Variants in ADGRB3 observed in about 807,000 individuals in gnomAD.
The protein encoded by ADGRB3 is adhesion G protein-coupled receptor B3.
Under a neutral mutation model 193.4 loss-of-function variants are expected in ADGRB3, and 37 were observed. The observed-to-expected ratio is 0.19, with a 90% CI of 0.15 to 0.25. The LOEUF is 0.25. Among genes scored for constraint, ADGRB3 ranks in the 10% least tolerant of loss-of-function variants. ADGRB3 has a pLI of 1.00. For missense variants in ADGRB3, 1,637 were observed against 1,852.9 expected (o/e 0.88, Z 2.14); for synonymous variants, 690 against 644.2 (o/e 1.07, Z -1.08).
chr6:68,931,449 C>G (rs1001429439), intron 4 of ADGRB3, among the ~76,000 whole-genome samples: 6 of 151,990 alleles, frequency 3.9e-5, no homozygotes, highest in African/African-American at 1.4e-4. Context: ...GCATGTAGTA[C>G]ATCCTTAAAA....
At chr6:68,697,311 A>G (rs916164814) in intron 3 of ADGRB3, among the ~76,000 whole-genome samples, 2 of 151,900 alleles carry the variant, frequency 1.3e-5, no homozygotes, top group Non-Finnish European at 2.9e-5. Context: ...TAAACTTAGA[A>G]ATTTGTATAT....
intron 3 of ADGRB3, among the ~76,000 whole-genome samples, chr6:68,743,952 T>A (rs985559461): frequency 2.0e-5 from 3 of 152,060 alleles, no homozygotes; most frequent in African/African-American, 7.2e-5. Context: ...TGTGAAACAA[T>A]CTGGAGTCTA....
At position 69,233,455 on chromosome 6, in the gene ADGRB3, CAG is replaced by C. The variant is rs1345919545; in HGVS notation, c.2607+40_2607+41del. 3 of 1,611,954 alleles carry C rather than the reference CAG, an allele frequency of 1.9e-6. No homozygotes were observed. The African/African-American group carries it at 4.0e-5, about 22-fold the overall frequency. Reference sequence around the variant, plus strand: ...GGAAAACACGGCTTTAACGCAAAGACAGGGATATTGTGGCTAGTGTTTCTCCA... The same window carrying C: ...GGAAAACACGGCTTTAACGCAAAGACGGATATTGTGGCTAGTGTTTCTCCA... On this transcript the variant is annotated intron_variant, in intron 18 of 31. Coordinates refer to ENST00000370598, the MANE Select transcript of ADGRB3 (RefSeq NM_001704.3).
At chr6:69,113,255 A>C (rs569237615) in intron 17 of ADGRB3, among the ~76,000 whole-genome samples, 1 of 152,066 alleles carries the variant, frequency 6.6e-6, no homozygotes, top group Admixed American at 6.6e-5. Context: ...TTATATGTAC[A>C]ATATACATAT....
At chr6:68,881,859 G>C (rs770482583) in intron 3 of ADGRB3, among the ~76,000 whole-genome samples, 5 of 152,138 alleles carry the variant, frequency 3.3e-5, no homozygotes, top group African/African-American at 1.2e-4. Context: ...TTCCATACAA[G>C]AGTCGACAAA....
At chr6:69,379,082 C>A (rs1053375544) in intron 30 of ADGRB3, among the ~76,000 whole-genome samples, 1 of 151,788 alleles carries the variant, frequency 6.6e-6, no homozygotes, top group African/African-American at 2.4e-5. Context: ...AGAAATGTTG[C>A]GTGATAGTAA....
At chr6:69,055,823 CTTTGTTTTGT>C (rs367960269) in intron 15 of ADGRB3, among the ~76,000 whole-genome samples, 7 of 150,006 alleles carry the variant, frequency 4.7e-5, no homozygotes, top group East Asian at 2.0e-4. Flanking sequence ...TTTTGTTTTG[CTTTGTTTTGT>C]TTTGTTTTGT....
At chr6:69,286,539 G>A (rs1767556510) in intron 20 of ADGRB3, among the ~76,000 whole-genome samples, 1 of 152,196 alleles carries the variant, frequency 6.6e-6, no homozygotes, top group African/African-American at 2.4e-5. Context: ...GCTGGCAGGT[G>A]ATGCTAGAAT....
intron 11 of ADGRB3, among the ~76,000 whole-genome samples, chr6:68,996,360 C>T (rs1197425049): frequency 6.6e-6 from 1 of 152,136 alleles, no homozygotes; most frequent in African/African-American, 2.4e-5. Context: ...ACATCCCTAG[C>T]AATGTTATAT....
intron 13 of ADGRB3, among the ~76,000 whole-genome samples, chr6:69,043,332 G>GAAAGAAAGAAAGAGAA: frequency 7.5e-6 from 1 of 133,822 alleles, no homozygotes; most frequent in East Asian, 2.7e-4. Flanking sequence ...AAGAAAGAAA[G>GAAAGAAAGAAAGAGAA]AGAAAGAAAA....
At chr6:68,707,931 T>C (rs975965910) in intron 3 of ADGRB3, among the ~76,000 whole-genome samples, 5 of 152,166 alleles carry the variant, frequency 3.3e-5, no homozygotes, top group South Asian at 2.1e-4. Flanking sequence ...AGGGGCAAAG[T>C]TCCTGTGCAA....
At chr6:68,927,348 T>C (rs1767209485) in intron 3 of ADGRB3, among the ~76,000 whole-genome samples, 1 of 152,140 alleles carries the variant, frequency 6.6e-6, no homozygotes, top group Admixed American at 6.6e-5. Context: ...GAAGAATTTA[T>C]ATTATTCAGA....
intron 20 of ADGRB3, among the ~76,000 whole-genome samples, chr6:69,256,335 G>T (rs1452538728): frequency 2.6e-5 from 4 of 152,098 alleles, no homozygotes; most frequent in Non-Finnish European, 5.9e-5. Flanking sequence ...CTACCCATGA[G>T]CATGGAATGT....
At chr6:68,885,025 A>G (rs1765868711) in intron 3 of ADGRB3, among the ~76,000 whole-genome samples, 1 of 152,208 alleles carries the variant, frequency 6.6e-6, no homozygotes, top group Admixed American at 6.5e-5. Context: ...AAAATATTTA[A>G]ATAACAGTTC....
chr6:69,210,372 A>G (rs1210718803), intron 17 of ADGRB3, among the ~76,000 whole-genome samples: 1 of 151,258 alleles, frequency 6.6e-6, no homozygotes, highest in East Asian at 1.9e-4. Flanking sequence ...TTCTCTGCCT[A>G]CTTCATATTC....
intron 3 of ADGRB3, among the ~76,000 whole-genome samples, chr6:68,804,651 G>A (rs6911395): frequency 6.6e-6 from 1 of 151,838 alleles, no homozygotes; most frequent in Admixed American, 6.6e-5. Context: ...TGTGAACCTG[G>A]AAAATAATGA....
At chr6:68,721,910 G>T (rs374910471) in intron 3 of ADGRB3, among the ~76,000 whole-genome samples, 2 of 151,162 alleles carry the variant, frequency 1.3e-5, no homozygotes, top group Non-Finnish European at 3.0e-5. Flanking sequence ...TCTTTTTAAT[G>T]TATGATATTT....
intron 3 of ADGRB3, among the ~76,000 whole-genome samples, chr6:68,771,926 T>A (rs1021365732): frequency 2.0e-5 from 3 of 152,082 alleles, no homozygotes; most frequent in Non-Finnish European, 4.4e-5. Flanking sequence ...GAGTGTTTGA[T>A]AAGCAATGTG....
At chr6:69,163,538 A>G (rs7758774) in intron 17 of ADGRB3, among the ~76,000 whole-genome samples, 21,830 of 152,118 alleles carry the variant, frequency 0.14, 1,615 homozygotes, top group Middle Eastern at 0.16. Flanking sequence ...TATATTTTCA[A>G]TTTGGTCTTG....
Sources: allele counts gnomAD v4.1 joint callset (sites outside exome capture counted in the v4.1 genomes callset), GRCh38; gene constraint gnomAD v4.1.1; transcripts MANE v1.5; gene names NCBI Gene and HGNC (gene_info 2026-07-23, HGNC 2026-07-21).